The following KIAA0825 variants were observed in gnomAD, a reference collection of about 807,000 sequenced individuals.
KIAA0825 encodes KIAA0825, also known as uncharacterized protein KIAA0825.
KIAA0825 carries 119 observed loss-of-function variants against 147.6 expected under a neutral mutation model. The observed-to-expected ratio is 0.81, with a 90% CI of 0.69 to 0.94. KIAA0825 has a LOEUF of 0.94. Among genes scored for constraint, KIAA0825 ranks in the 40% least tolerant of loss-of-function variants. KIAA0825 has a pLI of 0.00. For missense variants in KIAA0825, 1,381 were observed against 1,472.7 expected (o/e 0.94, Z 1.02); for synonymous variants, 470 against 518.1 (o/e 0.91, Z 1.26).
rs952855873 is a variant in KIAA0825 at position 94,534,133 on chromosome 5, A to G, written c.131+2863T>C. 2.0e-5 allele frequency among the ~76,000 whole-genome samples: 3 copies of G among 152,352 alleles called. No individual in the cohort carries two copies. In the South Asian group the frequency reaches 6.2e-4, roughly 32 times the overall value. On this transcript the variant is annotated intron_variant, in intron 3 of 20. Transcript: ENST00000682413. ...AACTATGGAGGAAAACCTATACCATACAGATGTTCATTACTTATTCAATGT... is the reference window on the plus strand; with the variant it reads ...AACTATGGAGGAAAACCTATACCATGCAGATGTTCATTACTTATTCAATGT...
intron 14 of KIAA0825, among the ~76,000 whole-genome samples, chr5:94,423,652 G>C (rs1377083072): frequency 6.6e-6 from 1 of 152,184 alleles, no homozygotes; most frequent in Non-Finnish European, 1.5e-5. Flanking sequence ...TGTTGTAGAA[G>C]AGTGTGCCAT....
chr5:94,165,163 G>GA (rs957054536), intron 20 of KIAA0825, among the ~76,000 whole-genome samples: 4 of 151,994 alleles, frequency 2.6e-5, no homozygotes, highest in Admixed American at 6.6e-5. Flanking sequence ...CAACTCTACA[G>GA]AAAAAAAGTC....
At chr5:94,294,222 G>A (rs562292750) in intron 20 of KIAA0825, among the ~76,000 whole-genome samples, 108 of 152,244 alleles carry the variant, frequency 7.1e-4, no homozygotes, top group African/African-American at 2.4e-3. Flanking sequence ...TCTTCATAGT[G>A]TCAATGGTCT....
chr5:94,434,196 G>GGTAGT (rs1756053226), intron 14 of KIAA0825, among the ~76,000 whole-genome samples: 1 of 152,192 alleles, frequency 6.6e-6, no homozygotes, highest in Non-Finnish European at 1.5e-5. Flanking sequence ...CCTACCATGT[G>GGTAGT]AAATCAGTTT....
At chr5:94,548,674 A>G (rs936023763) in intron 2 of KIAA0825, among the ~76,000 whole-genome samples, 2 of 152,182 alleles carry the variant, frequency 1.3e-5, no homozygotes, top group African/African-American at 4.8e-5. Flanking sequence ...CAAGAAATAC[A>G]TTTCATCTAT....
At chr5:94,279,602 C>T (rs1201697291) in intron 20 of KIAA0825, among the ~76,000 whole-genome samples, 1 of 152,034 alleles carries the variant, frequency 6.6e-6, no homozygotes, top group East Asian at 1.9e-4. Context: ...TCTCTACTTA[C>T]TCAATCTTAC....
intron 1 of KIAA0825, among the ~76,000 whole-genome samples, chr5:94,600,651 CCT>C (rs1786232561): frequency 6.6e-6 from 1 of 152,106 alleles, no homozygotes; most frequent in South Asian, 2.1e-4. Context: ...GATTCACTTA[CCT>C]CTCTGTGTTA....
chr5:94,553,210 G>A lies in KIAA0825; in HGVS notation c.-1-16083C>T, dbSNP rs11747976. ...TCCCAGTACTTTGGGAGGCGGAGGCGGGTGGATCACCTGAGGTCAGGATTT... is the reference window on the plus strand; with the variant it reads ...TCCCAGTACTTTGGGAGGCGGAGGCAGGTGGATCACCTGAGGTCAGGATTT... On this transcript the variant is annotated intron_variant, in intron 2 of 20. Coordinates refer to ENST00000682413, the MANE Select transcript of KIAA0825 (RefSeq NM_001145678.3). Among the ~76,000 whole-genome samples the A allele has an allele frequency of 4.0e-5, 6 of 151,824 alleles. No homozygotes were observed. The South Asian group carries it at 1.0e-3, about 26-fold the overall frequency.
In KIAA0825 at chr5:94,485,895, A is replaced by T. The variant is rs1300222112; in HGVS notation, c.971-965T>A. 2.0e-5 allele frequency among the ~76,000 whole-genome samples: 3 copies of T among 151,836 alleles called. No individual in the cohort carries two copies. The East Asian group carries it at 5.8e-4, about 29-fold the overall frequency. ...GTCATGTTTAAAAATAACTTGTCTA[A>T]ATAATTGTGATATCTATTATTTGCG... On this transcript the variant is annotated intron_variant, in intron 5 of 20. Coordinates refer to ENST00000682413, the MANE Select transcript of KIAA0825 (RefSeq NM_001145678.3).
chr5:94,518,762 C>CAATTTTCTGGTG (rs1767645125), intron 5 of KIAA0825, among the ~76,000 whole-genome samples: 1 of 152,092 alleles, frequency 6.6e-6, no homozygotes, highest in Non-Finnish European at 1.5e-5. Flanking sequence ...GTGGAAAATG[C>CAATTTTCTGGTG]TTCAAATTCT....
intron 20 of KIAA0825, among the ~76,000 whole-genome samples, chr5:94,228,137 G>T (rs1217660553): frequency 6.6e-6 from 1 of 152,002 alleles, no homozygotes; most frequent in Non-Finnish European, 1.5e-5. Context: ...TTGAGACTTT[G>T]ACATCAGGAT....
chr5:94,566,349 AAGC>A (rs748351981), intron 2 of KIAA0825, among the ~76,000 whole-genome samples: 27 of 152,182 alleles, frequency 1.8e-4, no homozygotes, highest in Non-Finnish European at 3.7e-4. Context: ...TGAGATTAAA[AAGC>A]AGGTACCAAA....
At chr5:94,425,585 T>C (rs10440718) in intron 14 of KIAA0825, among the ~76,000 whole-genome samples, 43,164 of 151,946 alleles carry the variant, frequency 0.28, 6,622 homozygotes, top group South Asian at 0.36. Flanking sequence ...CACTCTAGCC[T>C]AGGCAACAGA....
chr5:94,373,295 C>A (rs560536975), intron 20 of KIAA0825, among the ~76,000 whole-genome samples: 6 of 152,130 alleles, frequency 3.9e-5, no homozygotes, highest in African/African-American at 1.2e-4. Context: ...TATAGCAGCA[C>A]CCCCTCCTCC....
chr5:94,401,254 T>TC (rs1751337857), intron 16 of KIAA0825, among the ~76,000 whole-genome samples: 1 of 151,956 alleles, frequency 6.6e-6, no homozygotes, highest in Non-Finnish European at 1.5e-5. Flanking sequence ...TTTTTTTTTT[T>TC]TGCCAAAGGT....
intron 5 of KIAA0825, among the ~76,000 whole-genome samples, chr5:94,485,592 C>G (rs73145029): frequency 0.083 from 12,495 of 151,200 alleles, 1,127 homozygotes; most frequent in African/African-American, 0.23. Flanking sequence ...TGTCTGCGGA[C>G]TATTTTCAGT....
chr5:94,301,610 G>A (rs564711042), intron 20 of KIAA0825, among the ~76,000 whole-genome samples: 4 of 152,188 alleles, frequency 2.6e-5, no homozygotes, highest in African/African-American at 7.2e-5. Context: ...GAGCACAGTT[G>A]TGAGACTAAG....
chr5:94,276,042 T>C lies in KIAA0825; in HGVS notation c.3710+108326A>G, dbSNP rs79009080. Among the ~76,000 whole-genome samples, 455 of 152,196 alleles carry C rather than the reference T, an allele frequency of 3.0e-3. 15 individuals carry two copies. The East Asian group carries it at 0.054, about 18-fold the overall frequency. On this transcript the variant is annotated intron_variant, in intron 20 of 20. Coordinates refer to ENST00000682413, the MANE Select transcript of KIAA0825 (RefSeq NM_001145678.3). Reference sequence around the variant, plus strand: ...CAAATGTCAGCAGGACTTAGGCAAATGGAATGACATCTGCTGCACTGCACA... The same window carrying C: ...CAAATGTCAGCAGGACTTAGGCAAACGGAATGACATCTGCTGCACTGCACA...
chr5:94,597,447 TAAGAA>T (rs969521738), intron 1 of KIAA0825, among the ~76,000 whole-genome samples: 1 of 152,104 alleles, frequency 6.6e-6, no homozygotes, highest in African/African-American at 2.4e-5. Context: ...GACAGCAGTA[TAAGAA>T]AATATATTTT....
Sources: gnomAD v4.1 joint callset for allele counts (sites outside exome capture counted in the v4.1 genomes callset) on GRCh38, gnomAD v4.1.1 for gene constraint, MANE v1.5 for transcripts, NCBI Gene and HGNC (gene_info 2026-07-23, HGNC 2026-07-21) for gene names.